Variants in TAFA1 observed in about 807,000 individuals in gnomAD.
The protein encoded by TAFA1 is TAFA chemokine like family member 1, also known as chemokine-like protein TAFA-1.
TAFA1 carries 4 observed loss-of-function variants against 18.5 expected under a neutral mutation model. The ratio of observed to expected loss-of-function variants is 0.22; its 90% CI spans 0.11 to 0.49. TAFA1 has a LOEUF of 0.49. Ranked by LOEUF, TAFA1 falls within the 20% of genes least tolerant of loss-of-function variation. The pLI, the probability that TAFA1 is intolerant of heterozygous loss-of-function variation, is 0.98. For missense variants in TAFA1, 147 were observed against 169.0 expected, an observed-to-expected ratio of 0.87 and a Z score of 0.72; for synonymous variants, 56 against 55.2, an observed-to-expected ratio of 1.01 and a Z score of -0.06.
At chr3:68,473,993 C>A (rs1000134673) in intron 3 of TAFA1, among the ~76,000 whole-genome samples, 1 of 151,054 alleles carries the variant, frequency 6.6e-6, no homozygotes. Flanking sequence ...TCAACATGAG[C>A]AAAGTGAATT....
chr3:68,032,738 T>C (rs542156500), intron 2 of TAFA1, among the ~76,000 whole-genome samples: 3 of 152,268 alleles, frequency 2.0e-5, no homozygotes, highest in Non-Finnish European at 2.9e-5. Context: ...CCGTTTCTTG[T>C]ACAGAAATCA....
intron 3 of TAFA1, among the ~76,000 whole-genome samples, chr3:68,486,744 A>C (rs1011533850): frequency 6.6e-6 from 1 of 152,236 alleles, no homozygotes; most frequent in Non-Finnish European, 1.5e-5. Context: ...ATCATTAAAA[A>C]GGTAAGCATT....
intron 3 of TAFA1, among the ~76,000 whole-genome samples, chr3:68,432,819 A>G (rs1454764421): frequency 6.6e-6 from 1 of 152,010 alleles, no homozygotes; most frequent in East Asian, 1.9e-4. Context: ...GAATTAAGGA[A>G]CTAGGAGTGT....
intron 2 of TAFA1, among the ~76,000 whole-genome samples, chr3:68,097,267 T>A (rs568704644): frequency 2.0e-5 from 3 of 152,222 alleles, no homozygotes; most frequent in Admixed American, 1.3e-4. Context: ...TACATGAAAC[T>A]TTTTTTCTCA....
intron 2 of TAFA1, among the ~76,000 whole-genome samples, chr3:68,206,055 T>C (rs962877517): frequency 1.3e-5 from 2 of 151,924 alleles, no homozygotes; most frequent in African/African-American, 2.4e-5. Context: ...GATTTTTAAG[T>C]GTTTTTATTC....
At chr3:68,476,732 T>A (rs1226780920) in intron 3 of TAFA1, among the ~76,000 whole-genome samples, 6 of 152,166 alleles carry the variant, frequency 3.9e-5, no homozygotes, top group Admixed American at 3.9e-4. Context: ...TAGGATTTGT[T>A]ACCAGGATCC....
At chr3:68,063,509 A>C (rs1281928160) in intron 2 of TAFA1, among the ~76,000 whole-genome samples, 1 of 152,238 alleles carries the variant, frequency 6.6e-6, no homozygotes, top group Admixed American at 6.5e-5. Flanking sequence ...ACATTTCATA[A>C]TTATAATGTA....
chr3:68,417,549 A>G (rs1559661034), intron 3 of TAFA1, 129 bp downstream of exon 3: 1 of 828,518 alleles, frequency 1.2e-6, no homozygotes, highest in South Asian at 2.0e-5. Flanking sequence ...AAGTTATACA[A>G]TTGCCAGCCT....
chr3:68,156,287 A>G (rs1320265742), intron 2 of TAFA1, among the ~76,000 whole-genome samples: 3 of 152,168 alleles, frequency 2.0e-5, no homozygotes, highest in Admixed American at 6.5e-5. Context: ...CCTTCTAACT[A>G]GGTATCTGGG....
intron 2 of TAFA1, among the ~76,000 whole-genome samples, chr3:68,174,345 A>C (rs1222599830): frequency 6.6e-6 from 1 of 152,224 alleles, no homozygotes; most frequent in African/African-American, 2.4e-5. Context: ...TAACTGAATC[A>C]TGGGGGCAGG....
At chr3:68,334,342 T>C (rs1220304623) in intron 2 of TAFA1, among the ~76,000 whole-genome samples, 1 of 151,184 alleles carries the variant, frequency 6.6e-6, no homozygotes, top group Non-Finnish European at 1.5e-5. Flanking sequence ...AGTGCTGAGA[T>C]ACTATATTTC....
intron 2 of TAFA1, among the ~76,000 whole-genome samples, chr3:68,387,515 T>C (rs894598301): frequency 6.6e-6 from 1 of 152,322 alleles, no homozygotes; most frequent in Admixed American, 6.5e-5. Flanking sequence ...AGGATTGTGG[T>C]ATGAGTTTAC....
chr3:68,483,179 C>T (rs970142391), intron 3 of TAFA1, among the ~76,000 whole-genome samples: 1 of 152,182 alleles, frequency 6.6e-6, no homozygotes, highest in Non-Finnish European at 1.5e-5. Flanking sequence ...CCAGCACACA[C>T]TGGAGACAGA....
At chr3:68,030,201 C>T (rs1263569870) in intron 2 of TAFA1, among the ~76,000 whole-genome samples, 1 of 151,744 alleles carries the variant, frequency 6.6e-6, no homozygotes, top group Non-Finnish European at 1.5e-5. Flanking sequence ...CAGTAAAACA[C>T]ATTATAAAAA....
chr3:68,501,714 G>A (rs188285762), intron 3 of TAFA1, among the ~76,000 whole-genome samples: 1 of 152,212 alleles, frequency 6.6e-6, no homozygotes. Flanking sequence ...TTATAATTAG[G>A]CTATTATTTG....
At chr3:68,293,367 A>G (rs537814126) in intron 2 of TAFA1, among the ~76,000 whole-genome samples, 21 of 152,356 alleles carry the variant, frequency 1.4e-4, no homozygotes, top group African/African-American at 5.0e-4. Context: ...CATTCTGGAC[A>G]TGTATCCCAG....
intron 2 of TAFA1, among the ~76,000 whole-genome samples, chr3:68,357,911 T>C (rs2069396075): frequency 6.6e-6 from 1 of 151,986 alleles, no homozygotes; most frequent in Non-Finnish European, 1.5e-5. Flanking sequence ...TAAGAGGTGA[T>C]AGAATAATAT....
chr3:68,322,838 G>A (rs991696965), intron 2 of TAFA1, among the ~76,000 whole-genome samples: 1 of 152,118 alleles, frequency 6.6e-6, no homozygotes, highest in South Asian at 2.1e-4. Context: ...AGCTACTCAG[G>A]AGGCTGAGAC....
chr3:68,089,237 T>C (rs1233162500), intron 2 of TAFA1, among the ~76,000 whole-genome samples: 1 of 152,216 alleles, frequency 6.6e-6, no homozygotes, highest in Non-Finnish European at 1.5e-5. Context: ...CGTAAGGCAA[T>C]TAATCTTGAT....
Sources: allele counts gnomAD v4.1 joint callset (sites outside exome capture counted in the v4.1 genomes callset), GRCh38; gene constraint gnomAD v4.1.1; transcripts MANE v1.5; gene names NCBI Gene and HGNC (gene_info 2026-07-23, HGNC 2026-07-21).